The following OXCT1 variants were observed in gnomAD, a reference collection of about 807,000 sequenced individuals.
The protein encoded by OXCT1 is succinyl-CoA:3-ketoacid coenzyme A transferase 1, mitochondrial.
OXCT1 carries 27 observed loss-of-function variants against 69.6 expected under a neutral mutation model. That is an observed-to-expected ratio of 0.39 (90% CI 0.29 to 0.54). The LOEUF (loss-of-function observed/expected upper bound fraction) is 0.54. Ranked by LOEUF, OXCT1 falls within the 20% of genes least tolerant of loss-of-function variation. The probability of loss-of-function intolerance (pLI) is 0.72; values close to 1 mark genes in which losing one functional copy is unlikely to be tolerated. For missense variants in OXCT1, 437 were observed against 650.2 expected (o/e 0.67, Z 3.57); for synonymous variants, 202 against 217.8 (o/e 0.93, Z 0.64).
At chr5:41,739,075 C>G (rs1395550476) in intron 16 of OXCT1, among the ~76,000 whole-genome samples, 1 of 152,214 alleles carries the variant, frequency 6.6e-6, no homozygotes, top group African/African-American at 2.4e-5. Flanking sequence ...TGCCATATAA[C>G]CAAAGAACAG....
At chr5:41,733,068 G>A (rs1056772210) in intron 16 of OXCT1, among the ~76,000 whole-genome samples, 4 of 152,100 alleles carry the variant, frequency 2.6e-5, no homozygotes, top group Non-Finnish European at 1.5e-5. Context: ...TTATTTCTAA[G>A]AGTAGACATA....
At chr5:41,737,054 C>G (rs1742918654) in intron 16 of OXCT1, among the ~76,000 whole-genome samples, 1 of 152,182 alleles carries the variant, frequency 6.6e-6, no homozygotes, top group Admixed American at 6.5e-5. Context: ...GGCACTCCAG[C>G]TCTAGCCTTA....
chr5:41,853,591 C>CT, intron 3 of OXCT1, 37 bp from the exon 4 acceptor site: 1 of 1,606,570 alleles, frequency 6.2e-7, no homozygotes, highest in Non-Finnish European at 8.5e-7. Context: ...CAAAGAGCAT[C>CT]TGACAGAACA....
chr5:41,869,980 G>T, intron 1 of OXCT1: 1 of 435,196 alleles, frequency 2.3e-6, no homozygotes. Context: ...GCCGACGAGC[G>T]CCAAAGGGCT....
intron 7 of OXCT1, among the ~76,000 whole-genome samples, chr5:41,832,809 C>T (rs1748162654): frequency 1.3e-5 from 2 of 152,036 alleles, no homozygotes; most frequent in South Asian, 2.1e-4. Context: ...ATTTAACAGA[C>T]TGAAATAATT....
intron 11 of OXCT1, 109 bp from the exon 12 acceptor site, chr5:41,794,858 T>C: frequency 1.7e-6 from 2 of 1,200,478 alleles, no homozygotes; most frequent in Non-Finnish European, 2.4e-6. Flanking sequence ...TAAGCTCCCT[T>C]TACCAAAATG....
intron 13 of OXCT1, among the ~76,000 whole-genome samples, chr5:41,784,413 G>C (rs770374068): frequency 6.6e-6 from 1 of 152,248 alleles, no homozygotes; most frequent in South Asian, 2.1e-4. Flanking sequence ...CCATGAATAA[G>C]AGTCATATGT....
chr5:41,838,625 A>AT (rs113782574), intron 7 of OXCT1, among the ~76,000 whole-genome samples: 1,966 of 141,118 alleles, frequency 0.014, 24 homozygotes, highest in African/African-American at 0.03. Context: ...TTCTCAGTCA[A>AT]TTTTTTTTTT....
chr5:41,801,108 A>G, intron 10 of OXCT1, 38 bp from the exon 11 acceptor site: 1 of 1,433,942 alleles, frequency 7.0e-7, no homozygotes, highest in Non-Finnish European at 9.8e-7. Context: ...GTAAATGAAG[A>G]TTCTCACTGA....
intron 7 of OXCT1, among the ~76,000 whole-genome samples, chr5:41,831,447 T>G (rs1748093075): frequency 6.6e-6 from 1 of 152,212 alleles, no homozygotes; most frequent in African/African-American, 2.4e-5. Context: ...GCTTTGTTTT[T>G]CCTCCCTTAA....
intron 7 of OXCT1, among the ~76,000 whole-genome samples, chr5:41,816,075 A>C (rs1485141361): frequency 2.0e-5 from 3 of 152,208 alleles, no homozygotes; most frequent in African/African-American, 7.2e-5. Flanking sequence ...AACAGATTTG[A>C]TTTGAATTCA....
At chr5:41,785,858 G>A (rs1392890890) in intron 13 of OXCT1, among the ~76,000 whole-genome samples, 2 of 152,214 alleles carry the variant, frequency 1.3e-5, no homozygotes, top group Non-Finnish European at 1.5e-5. Context: ...CAAGGAAGGG[G>A]TAAGGGTATG....
At chr5:41,846,980 T>C in intron 5 of OXCT1, among the ~76,000 whole-genome samples, 1 of 152,170 alleles carries the variant, frequency 6.6e-6, no homozygotes, top group Non-Finnish European at 1.5e-5. Context: ...TGGGGTTGTT[T>C]TTTTCTTGTA....
chr5:41,838,691 T>A (rs181333247), intron 7 of OXCT1, among the ~76,000 whole-genome samples: 148 of 151,636 alleles, frequency 9.8e-4, no homozygotes, highest in African/African-American at 3.5e-3. Flanking sequence ...AGTGACACAG[T>A]CACAGCTCAC....
intron 7 of OXCT1, among the ~76,000 whole-genome samples, chr5:41,833,828 A>G (rs2112374160): frequency 6.6e-6 from 1 of 152,260 alleles, no homozygotes; most frequent in South Asian, 2.1e-4. Flanking sequence ...TGGGAGGCCG[A>G]GGTGGGTAGA....
intron 5 of OXCT1, among the ~76,000 whole-genome samples, chr5:41,845,900 T>A (rs183680910): frequency 6.6e-6 from 1 of 152,212 alleles, no homozygotes; most frequent in East Asian, 1.9e-4. Context: ...ACATTTTTTA[T>A]CTTAAAATAT....
At chr5:41,844,809 CA>C (rs1215208238) in intron 5 of OXCT1, among the ~76,000 whole-genome samples, 1 of 151,952 alleles carries the variant, frequency 6.6e-6, no homozygotes, top group Non-Finnish European at 1.5e-5. Context: ...CTACCATGAA[CA>C]TAACACCAAT....
chr5:41,845,645 C>T (rs949406133), intron 5 of OXCT1, among the ~76,000 whole-genome samples: 7 of 151,720 alleles, frequency 4.6e-5, no homozygotes, highest in African/African-American at 1.5e-4. Flanking sequence ...TAAAAAACTA[C>T]GAGTTTGAGG....
At chr5:41,744,785 A>G (rs1743382380) in intron 15 of OXCT1, among the ~76,000 whole-genome samples, 1 of 152,138 alleles carries the variant, frequency 6.6e-6, no homozygotes, top group African/African-American at 2.4e-5. Context: ...AGTCTCTGAT[A>G]AAACAGACTT....
Sources: gnomAD v4.1 joint callset for allele counts (sites outside exome capture counted in the v4.1 genomes callset) on GRCh38, gnomAD v4.1.1 for gene constraint, MANE v1.5 for transcripts, NCBI Gene and HGNC (gene_info 2026-07-23, HGNC 2026-07-21) for gene names.